Variants in CYBRD1 observed in about 807,000 individuals in gnomAD.
CYBRD1 encodes the protein plasma membrane ascorbate-dependent reductase CYBRD1.
Under a neutral mutation model 21.9 loss-of-function variants are expected in CYBRD1, and 14 were observed. The observed-to-expected ratio is 0.64, with a 90% CI of 0.42 to 1.00. CYBRD1 has a LOEUF of 1.00. Among genes scored for constraint, CYBRD1 ranks in the 50% least tolerant of loss-of-function variants. The pLI is 0.00. For missense variants in CYBRD1, 328 were observed against 352.5 expected (o/e 0.93, Z 0.56); for synonymous variants, 146 against 136.5 (o/e 1.07, Z -0.48).
At chr2:171,524,894 A>G (rs1381998408) in intron 1 of CYBRD1, among the ~76,000 whole-genome samples, 1 of 152,150 alleles carries the variant, frequency 6.6e-6, no homozygotes, top group Non-Finnish European at 1.5e-5. Flanking sequence ...AAAAATGTGT[A>G]AATTTTGGCA....
At chr2:171,554,452 G>A in intron 3 of CYBRD1, 72 bp from the exon 4 acceptor site, 1 of 1,521,946 alleles carries the variant, frequency 6.6e-7, no homozygotes, top group South Asian at 1.2e-5. Context: ...ATTTTGAGCA[G>A]ATAAATTCAA....
intron 2 of CYBRD1, among the ~76,000 whole-genome samples, chr2:171,549,490 C>T (rs1341970570): frequency 6.6e-6 from 1 of 152,004 alleles, no homozygotes; most frequent in African/African-American, 2.4e-5. Flanking sequence ...AAGAAAAAAC[C>T]CTGGCTATTC....
At chr2:171,526,992 A>C (rs1230794455) in intron 1 of CYBRD1, among the ~76,000 whole-genome samples, 1 of 152,196 alleles carries the variant, frequency 6.6e-6, no homozygotes, top group African/African-American at 2.4e-5. Flanking sequence ...TTCTTAAAAA[A>C]CAGTTGGGAT....
chr2:171,558,099 C>A lies in CYBRD1; in HGVS notation c.*3272C>A, dbSNP rs1392742703. On this transcript the variant is annotated 3_prime_UTR_variant, in exon 4 of 4. Coordinates refer to ENST00000321348, the MANE Select transcript of CYBRD1 (RefSeq NM_024843.4). The stretch of plus-strand genomic sequence containing the variant: ...ATATGCATCTATTTTTTCTTGACTT[C>A]TTTTATATAGTAATAAAAGTTATTT... 1.3e-5 allele frequency: 2 copies of A among 150,698 alleles called. No individual in the cohort carries two copies. The highest frequency in any genetic ancestry group is 3.9e-4 in the East Asian group (2 of 5,188). The allele number at this position is 150,698 out of a possible 1,614,324, so 9.3% of individuals were successfully genotyped here. A position where few individuals can be genotyped will look rare whatever the true frequency, so the allele number is the denominator to read the frequency against.
At chr2:171,537,431 A>G (rs16859468) in intron 1 of CYBRD1, among the ~76,000 whole-genome samples, 7,040 of 152,268 alleles carry the variant, frequency 0.046, 522 homozygotes, top group African/African-American at 0.16. Context: ...GTTGACATCA[A>G]TTTAGTTTCC....
In CYBRD1 at chr2:171,554,547, T is replaced by C. The variant is rs747226019; in HGVS notation, c.581T>C (p.Phe194Ser). The stretch of plus-strand genomic sequence containing the variant: ...AGGAGAGATCCTGCATACAGTACAT[T>C]CCCGCCAGAAGGTGTTTTCGTAAAT... Reference protein sequence around the residue: ...FSLRDPAYSTFPPEGVFVNTL... With the variant: ...FSLRDPAYSTSPPEGVFVNTL... Residue 194 changes from phenylalanine to serine, a missense_variant, in exon 4 of 4, where the codon TTC becomes TCC. Coordinates refer to ENST00000321348, the MANE Select transcript of CYBRD1 (RefSeq NM_024843.4). 1 of 1,614,006 alleles carries C rather than the reference T, an allele frequency of 6.2e-7. No homozygotes were observed. The highest frequency in any genetic ancestry group is 2.2e-5 in the East Asian group (1 of 44,876).
intron 1 of CYBRD1, among the ~76,000 whole-genome samples, chr2:171,532,875 ATGTGTGTGTGTG>A (rs10618404): frequency 1.6e-4 from 24 of 147,402 alleles, no homozygotes; most frequent in African/African-American, 2.7e-4. Context: ...CCATTTCACG[ATGTGTGTGTGTG>A]TGTGTGTGTG....
intron 1 of CYBRD1, chr2:171,523,008 C>T: frequency 6.0e-6 from 3 of 498,474 alleles, no homozygotes; most frequent in South Asian, 2.2e-5. Context: ...GGCGGCGGAG[C>T]GGGGCCGGCC....
At chr2:171,534,135 A>G (rs1264030661) in intron 1 of CYBRD1, among the ~76,000 whole-genome samples, 2 of 152,136 alleles carry the variant, frequency 1.3e-5, no homozygotes, top group Non-Finnish European at 2.9e-5. Context: ...TCATGCTAGC[A>G]TGTTCCACCA....
In CYBRD1 at chr2:171,555,446, A is replaced by G. The variant is rs935200072; in HGVS notation, c.*619A>G. The G allele has an allele frequency of 1.3e-5, 2 of 153,454 alleles. No homozygotes were observed. The highest frequency in any genetic ancestry group is 6.5e-5 in the Admixed American group (1 of 15,422). The allele number at this position is 153,454 out of a possible 1,614,324, so 9.5% of individuals were successfully genotyped here. A position where few individuals can be genotyped will look rare whatever the true frequency, so the allele number is the denominator to read the frequency against. On this transcript the variant is annotated 3_prime_UTR_variant, in exon 4 of 4. Coordinates refer to ENST00000321348, the MANE Select transcript of CYBRD1 (RefSeq NM_024843.4). ...TTATGTTAGGGTATTGATAGATTAG[A>G]GCAGGTGGTTGAAGAGATCTTCTCT... is the stretch of plus-strand genomic sequence containing the variant.
intron 1 of CYBRD1, among the ~76,000 whole-genome samples, chr2:171,533,970 T>C (rs1697510512): frequency 6.6e-6 from 1 of 152,110 alleles, no homozygotes; most frequent in African/African-American, 2.4e-5. Context: ...CCTCCCAAAG[T>C]TCTGGGATTA....
chr2:171,540,818 A>G (rs1697619482), intron 1 of CYBRD1: 1 of 125,184 alleles, frequency 8.0e-6, no homozygotes, highest in Non-Finnish European at 1.6e-5. Context: ...GCTGGAGTGC[A>G]GTGGCGCAAT....
rs1697330653 is a variant in CYBRD1 at position 171,522,961 on chromosome 2, C to T, written c.193+223C>T. On this transcript the variant is annotated intron_variant, in intron 1 of 3. Transcript: ENST00000321348. The surrounding 1 kb of genome is among the most constrained non-coding windows in gnomAD (Gnocchi z 4.3). ...CGGTTCAGGAGGATCGCCGCGAGCG[C>T]GGGGCCGGGGGTGCGCGGTGGAGAC... 3 of 673,828 alleles carry T rather than the reference C, an allele frequency of 4.5e-6. No individual in the cohort carries two copies. Among genetic ancestry groups the T allele is most frequent in the South Asian group, 4.1e-5 (2 of 48,740 alleles). The allele number at this position is 673,828 out of a possible 1,614,324, so 41.7% of individuals were successfully genotyped here.
At chr2:171,539,774 G>T (rs1398135675) in intron 1 of CYBRD1, 1 of 151,316 alleles carries the variant, frequency 6.6e-6, no homozygotes, top group Non-Finnish European at 1.5e-5. Flanking sequence ...TGTCACCCAG[G>T]CTGGAGTGCA....
rs1697330793 is a variant in CYBRD1, at chr2:171,522,967, C to A, written c.193+229C>A. On this transcript the variant is annotated intron_variant, in intron 1 of 3. Coordinates refer to ENST00000321348, the MANE Select transcript of CYBRD1 (RefSeq NM_024843.4). This position sits in a 1 kb window ranked among gnomAD's most constrained non-coding sequence, Gnocchi z 4.3. The stretch of plus-strand genomic sequence containing the variant: ...AGGAGGATCGCCGCGAGCGCGGGGC[C>A]GGGGGTGCGCGGTGGAGACGCGCTG... 3.4e-6 allele frequency: 2 copies of A among 584,844 alleles called. No individual in the cohort carries two copies. The highest frequency in any genetic ancestry group is 5.6e-6 in the Non-Finnish European group (2 of 357,178). 36.2% of individuals were successfully genotyped at this position (584,844 alleles called of 1,614,324 possible).
At chr2:171,540,518 C>T (rs1379285246) in intron 1 of CYBRD1, among the ~76,000 whole-genome samples, 2 of 152,044 alleles carry the variant, frequency 1.3e-5, no homozygotes, top group Admixed American at 6.6e-5. Flanking sequence ...AATTGCTGGA[C>T]AATAAGGTAT....
At chr2:171,545,253 A>G (rs13392902) in intron 2 of CYBRD1, among the ~76,000 whole-genome samples, 13,398 of 152,096 alleles carry the variant, frequency 0.088, 723 homozygotes, top group Middle Eastern at 0.17. Flanking sequence ...TTTACCATTG[A>G]GTACAGATGC....
chr2:171,555,083 T>TA lies in CYBRD1; in HGVS notation c.*257dup. 2.0e-6 allele frequency: 1 copy of TA among 507,532 alleles called. No individual in the cohort carries two copies. The highest frequency in any genetic ancestry group is 2.1e-5 in the South Asian group (1 of 48,014). The allele number at this position is 507,532 out of a possible 1,614,324, so 31.4% of individuals were successfully genotyped here. A position where few individuals can be genotyped will look rare whatever the true frequency, so the allele number is the denominator to read the frequency against. ...TTTATCTTGTTGAGGACCACAACAT[T>TA]AGCACGGTGCCTTGTGCAGAATAGA... On this transcript the variant is annotated 3_prime_UTR_variant, in exon 4 of 4. Coordinates refer to ENST00000321348, the MANE Select transcript of CYBRD1 (RefSeq NM_024843.4).
intron 1 of CYBRD1, among the ~76,000 whole-genome samples, chr2:171,531,498 A>G (rs1056683888): frequency 6.6e-6 from 1 of 151,878 alleles, no homozygotes; most frequent in Non-Finnish European, 1.5e-5. Flanking sequence ...GCCAGGCTGG[A>G]GTGTAGTGGC....
Sources: allele counts gnomAD v4.1 joint callset (sites outside exome capture counted in the v4.1 genomes callset), GRCh38; gene constraint gnomAD v4.1.1; non-coding constraint Gnocchi (gnomAD v3.1); transcripts MANE v1.5; gene names NCBI Gene and HGNC (gene_info 2026-07-23, HGNC 2026-07-21).